Variants in YY1 observed in about 807,000 individuals in gnomAD.
YY1 encodes transcriptional repressor protein YY1.
A neutral mutation model predicts 35.6 loss-of-function variants in YY1; 2 were observed. That is an observed-to-expected ratio of 0.06 (90% CI 0.02 to 0.18). The LOEUF (loss-of-function observed/expected upper bound fraction) is 0.18. Among genes scored for constraint, YY1 ranks in the 10% least tolerant of loss-of-function variants. The pLI, the probability that YY1 is intolerant of heterozygous loss-of-function variation, is 1.00. For synonymous variants in YY1, 268 were observed against 238.9 expected, an observed-to-expected ratio of 1.12 and a Z score of -1.12; for missense variants, 322 against 573.4, an observed-to-expected ratio of 0.56 and a Z score of 4.48.
At chr14:100,242,405 T>TTGAGA (rs1890763270) in intron 1 of YY1, among the ~76,000 whole-genome samples, 1 of 126,068 alleles carries the variant, frequency 7.9e-6, no homozygotes, top group African/African-American at 3.0e-5. Flanking sequence ...TTTTTTTTTT[T>TTGAGA]TGAGATGGAG....
At chr14:100,267,384 T>A (rs1434448144) in intron 2 of YY1, among the ~76,000 whole-genome samples, 4 of 152,224 alleles carry the variant, frequency 2.6e-5, no homozygotes, top group Admixed American at 6.5e-5. Context: ...GCATTTCTTT[T>A]ATTAGCCTGT....
chr14:100,240,768 A>G (rs1890725835), intron 1 of YY1, among the ~76,000 whole-genome samples: 1 of 151,480 alleles, frequency 6.6e-6, no homozygotes, highest in South Asian at 2.1e-4. Flanking sequence ...TTAGCGAATA[A>G]TTCTTAGTCA....
rs867538531 is a variant in YY1 at position 100,251,782 on chromosome 14, C to A, written c.680-10522C>A. Among the ~76,000 whole-genome samples, 4 of 152,216 alleles carry A rather than the reference C, an allele frequency of 2.6e-5. No individual in the cohort carries two copies. The South Asian group carries it at 8.3e-4, about 32-fold the overall frequency. On this transcript the variant is annotated intron_variant, in intron 1 of 4. Transcript: ENST00000262238. ...CCCTTCCTCCCCTCCCCTCCCTTTGCTTCTCTTTCTTCTCTTTATTTCTTT... is the reference window on the plus strand; with the variant it reads ...CCCTTCCTCCCCTCCCCTCCCTTTGATTCTCTTTCTTCTCTTTATTTCTTT...
intron 1 of YY1, among the ~76,000 whole-genome samples, chr14:100,259,794 G>A (rs1891055112): frequency 1.3e-5 from 2 of 152,242 alleles, no homozygotes; most frequent in African/African-American, 4.8e-5. Context: ...AATATAGAAG[G>A]CATGTGCAAA....
chr14:100,256,776 A>C (rs866840862), intron 1 of YY1, among the ~76,000 whole-genome samples: 1 of 152,186 alleles, frequency 6.6e-6, no homozygotes. Flanking sequence ...TGATGGTTAC[A>C]CATTCTGAAT....
At chr14:100,248,112 T>TTTTTCTTTC (rs1890860754) in intron 1 of YY1, among the ~76,000 whole-genome samples, 1 of 93,652 alleles carries the variant, frequency 1.1e-5, no homozygotes, top group South Asian at 4.9e-4. Context: ...GCCCGGCTAA[T>TTTTTCTTTC]TTTTTTTTCT....
At chr14:100,242,973 A>G (rs1257426676) in intron 1 of YY1, among the ~76,000 whole-genome samples, 1 of 152,204 alleles carries the variant, frequency 6.6e-6, no homozygotes, top group Non-Finnish European at 1.5e-5. Context: ...TACGCTGTGC[A>G]TAAGGGTAGT....
rs1235829529 is a variant in YY1 at position 100,242,395 on chromosome 14, T to G, written c.679+2472T>G. Among the ~76,000 whole-genome samples, 265 of 145,644 alleles carry G rather than the reference T, an allele frequency of 1.8e-3. 2 individuals are homozygous for G. Among genetic ancestry groups the G allele is most frequent in the Admixed American group, 3.4e-3 (50 of 14,606 alleles). On this transcript the variant is annotated intron_variant, in intron 1 of 4. Transcript: ENST00000262238. ...TGTTTTTTGTTTTTTTTTTTTTTTT[T>G]TTTTTTTTTTTGAGATGGAGTCTCG...
At chr14:100,254,780 T>G (rs931438377) in intron 1 of YY1, among the ~76,000 whole-genome samples, 1,795 of 147,500 alleles carry the variant, frequency 0.012, 43 homozygotes, top group African/African-American at 0.043. Context: ...TATTTATTTT[T>G]TTTTTTTTTT....
chr14:100,244,723 C>T (rs1170070758), intron 1 of YY1, among the ~76,000 whole-genome samples: 1 of 151,476 alleles, frequency 6.6e-6, no homozygotes, highest in Non-Finnish European at 1.5e-5. Flanking sequence ...GCTGGGACCA[C>T]AGGCTAATGT....
At position 100,278,626 on chromosome 14, in the gene YY1, A is replaced by T. The variant is rs1891362184; in HGVS notation, c.*1026A>T. On this transcript the variant is annotated 3_prime_UTR_variant, in exon 5 of 5. Coordinates refer to ENST00000262238, the MANE Select transcript of YY1 (RefSeq NM_003403.5). Reference sequence around the variant, plus strand: ...ATTACAGTGATTATTGATGAAAGCGATGCATGGATATTTTAATACTTCCTA... The same window carrying T: ...ATTACAGTGATTATTGATGAAAGCGTTGCATGGATATTTTAATACTTCCTA... 1 of 152,252 alleles carries T rather than the reference A, an allele frequency of 6.6e-6. No individual in the cohort carries two copies. The highest frequency in any genetic ancestry group is 2.4e-5 in the African/African-American group (1 of 41,460). 9.4% of individuals were successfully genotyped at this position (152,252 alleles called of 1,614,324 possible).
At position 100,282,453 on chromosome 14, in the gene YY1, T is replaced by C. The variant is rs61993676; in HGVS notation, c.*4853T>C. ...AACGGAACAACCTCTTTTTTCTACATTGTCCATACCCGGACATGTGAGGCT... is the reference window on the plus strand; with the variant it reads ...AACGGAACAACCTCTTTTTTCTACACTGTCCATACCCGGACATGTGAGGCT... On this transcript the variant is annotated 3_prime_UTR_variant, in exon 5 of 5. Coordinates refer to ENST00000262238, the MANE Select transcript of YY1 (RefSeq NM_003403.5). 1 of 152,166 alleles carries C rather than the reference T, an allele frequency of 6.6e-6. No homozygotes were observed. The highest frequency in any genetic ancestry group is 2.1e-4 in the South Asian group (1 of 4,830). The allele number at this position is 152,166 out of a possible 1,614,324, so 9.4% of individuals were successfully genotyped here.
At chr14:100,263,912 T>C (rs1446512142) in intron 2 of YY1, 1 of 152,284 alleles carries the variant, frequency 6.6e-6, no homozygotes, top group Non-Finnish European at 1.5e-5. Flanking sequence ...TTGCCCAGGC[T>C]GGAGTGCAGT....
intron 1 of YY1, among the ~76,000 whole-genome samples, chr14:100,240,280 G>A (rs1890712415): frequency 6.9e-6 from 1 of 145,954 alleles, no homozygotes; most frequent in South Asian, 2.1e-4. Context: ...CCGCCGGCCC[G>A]TTGTGGCGGC....
intron 1 of YY1, among the ~76,000 whole-genome samples, chr14:100,243,302 C>A (rs1028271941): frequency 6.6e-6 from 1 of 152,208 alleles, no homozygotes; most frequent in South Asian, 2.1e-4. Context: ...TGTACTTGAT[C>A]TCATTTGATC....
At chr14:100,269,125 G>A (rs1441698983) in intron 2 of YY1, among the ~76,000 whole-genome samples, 1 of 152,168 alleles carries the variant, frequency 6.6e-6, no homozygotes, top group African/African-American at 2.4e-5. Context: ...CATATAACAT[G>A]TACTGCGTTG....
chr14:100,239,866 A>C lies in YY1; in HGVS notation c.622A>C (p.Lys208Gln). Reference sequence around the variant, plus strand: ...CCCGGGCAACAAGAAGTGGGAGCAGAAGCAGGTGCAGATCAAGACCCTGGA... The same window carrying C: ...CCCGGGCAACAAGAAGTGGGAGCAGCAGCAGGTGCAGATCAAGACCCTGGA... ...ADPGNKKWEQ[K>Q]QVQIKTLEGE... is the part of the protein sequence containing the mutation. The change falls in exon 1 of 5, where the codon AAG (lysine) becomes CAG (glutamine). Residue 208 changes from lysine (K) to glutamine (Q), a missense_variant. By Grantham distance (53) the Lys-to-Gln change is moderately conservative. This residue lies in a region of YY1 where 152 missense variants were observed against 167.1 expected (regional missense o/e 0.91). Coordinates refer to ENST00000262238, the MANE Select transcript of YY1 (RefSeq NM_003403.5). 1 of 1,522,724 alleles carries C rather than the reference A, an allele frequency of 6.6e-7. No homozygotes were observed. The allele number at this position is 1,522,724 out of a possible 1,614,324, so 94.3% of individuals were successfully genotyped here.
At chr14:100,265,122 A>G (rs1891134419) in intron 2 of YY1, among the ~76,000 whole-genome samples, 2 of 152,050 alleles carry the variant, frequency 1.3e-5, no homozygotes, top group African/African-American at 4.8e-5. Context: ...TCACGCCTGT[A>G]ATCCCAGCAC....
intron 1 of YY1, among the ~76,000 whole-genome samples, chr14:100,245,216 G>T (rs997267197): frequency 7.2e-5 from 11 of 152,208 alleles, no homozygotes; most frequent in African/African-American, 2.7e-4. Flanking sequence ...GATTACAGGC[G>T]TGAGCCACTG....
Sources: gnomAD v4.1 joint callset for allele counts (sites outside exome capture counted in the v4.1 genomes callset) on GRCh38, gnomAD v4.1.1 for gene constraint, gnomAD v4.1.1 regional missense constraint, MANE v1.5 for transcripts, NCBI Gene and HGNC (gene_info 2026-07-23, HGNC 2026-07-21) for gene names.